The following DYNC1LI2 variants were observed in gnomAD, a reference collection of about 807,000 sequenced individuals.
The protein encoded by DYNC1LI2 is cytoplasmic dynein 1 light intermediate chain 2.
Under a neutral mutation model 57.8 loss-of-function variants are expected in DYNC1LI2, and 19 were observed. That is an observed-to-expected ratio of 0.33 (90% CI 0.23 to 0.48). DYNC1LI2 has a LOEUF of 0.48. DYNC1LI2 is among the 20% of genes least tolerant of loss of function. The pLI, the probability that DYNC1LI2 is intolerant of heterozygous loss-of-function variation, is 0.99. For synonymous variants in DYNC1LI2, 256 were observed against 233.4 expected (o/e 1.10, Z -0.88); for missense variants, 470 against 604.2 (o/e 0.78, Z 2.33).
At chr16:66,728,180 T>C in intron 10 of DYNC1LI2, 21 bp downstream of exon 10, 1 of 1,614,120 alleles carries the variant, frequency 6.2e-7, no homozygotes, top group Non-Finnish European at 8.5e-7. Context: ...CTTGACCCTC[T>C]GTTTAGTGTA....
At chr16:66,732,197 GA>G (rs1262779626) in intron 7 of DYNC1LI2, 141 bp downstream of exon 7, 2 of 1,090,130 alleles carry the variant, frequency 1.8e-6, no homozygotes, top group African/African-American at 3.2e-5. Context: ...TCATAATCCG[GA>G]AAGGAACAGA....
chr16:66,732,185 C>T, intron 7 of DYNC1LI2, 154 bp downstream of exon 7: 1 of 985,080 alleles, frequency 1.0e-6, no homozygotes, highest in Non-Finnish European at 1.4e-6. Flanking sequence ...CAGGCAGATG[C>T]CTCATAATCC....
chr16:66,749,929 C>G (rs765077817), intron 2 of DYNC1LI2, among the ~76,000 whole-genome samples: 2 of 152,202 alleles, frequency 1.3e-5, no homozygotes, highest in African/African-American at 4.8e-5. Context: ...ACAACACCCC[C>G]CTTCCCCGGA....
At chr16:66,733,992 C>T in intron 6 of DYNC1LI2, 2 of 491,688 alleles carry the variant, frequency 4.1e-6, no homozygotes, top group Non-Finnish European at 7.2e-6. Context: ...GAAACACCAT[C>T]TTAAAACAAA....
rs1347551297 is a variant in DYNC1LI2, at chr16:66,749,225, G to A, written c.270C>T (p.Tyr90=). Residue 90 remains tyrosine (Y), a synonymous_variant, in exon 3 of 13, where the codon TAC becomes TAT. Transcript: ENST00000258198. Reference sequence around the variant, plus strand: ...CTCGGTCCTCATCATGGACACTGAGGTAGAGATATTCTAGGCCTCTTCCTT... The same window carrying A: ...CTCGGTCCTCATCATGGACACTGAGATAGAGATATTCTAGGCCTCTTCCTT... ...GKKGRGLEYL[Y]LSVHDEDRDD... 4 of 1,614,204 alleles carry A rather than the reference G, an allele frequency of 2.5e-6. No individual in the cohort carries two copies. In the East Asian group the frequency reaches 6.7e-5, roughly 27 times the overall value.
chr16:66,739,373 G>A (rs994643912), intron 4 of DYNC1LI2: 1 of 152,200 alleles, frequency 6.6e-6, no homozygotes, highest in African/African-American at 2.4e-5. Flanking sequence ...CGCTCTAAAG[G>A]AATGACTTAA....
intron 5 of DYNC1LI2, among the ~76,000 whole-genome samples, 159 bp downstream of exon 5, chr16:66,735,916 T>C (rs748949109): frequency 6.6e-6 from 1 of 152,220 alleles, no homozygotes; most frequent in Non-Finnish European, 1.5e-5. Context: ...CCAATTTACA[T>C]GATAATTTTT....
intron 3 of DYNC1LI2, among the ~76,000 whole-genome samples, chr16:66,743,891 TG>T (rs1214728012): frequency 6.6e-6 from 1 of 152,242 alleles, no homozygotes; most frequent in African/African-American, 2.4e-5. Context: ...AGTAATTTTT[TG>T]TTATGATAAT....
At chr16:66,731,757 A>C (rs529744180) in intron 7 of DYNC1LI2, 1 of 152,432 alleles carries the variant, frequency 6.6e-6, no homozygotes, top group African/African-American at 2.4e-5. Context: ...ATCTGCTAAC[A>C]CAAGTCTTGT....
intron 4 of DYNC1LI2, chr16:66,739,107 T>C (rs1462476539): frequency 2.0e-5 from 3 of 152,192 alleles, no homozygotes; most frequent in Non-Finnish European, 4.4e-5. Context: ...CAATAAAATA[T>C]ACAATGGCTT....
At chr16:66,734,123 A>C (rs775166472) in intron 6 of DYNC1LI2, 95 bp downstream of exon 6, 16 of 1,104,442 alleles carry the variant, frequency 1.4e-5, no homozygotes, top group Non-Finnish European at 2.1e-5. Flanking sequence ...TTGGCAGAAC[A>C]CTATTCTGGG....
chr16:66,751,169 G>A lies in DYNC1LI2; in HGVS notation c.181+104C>T, dbSNP rs895066323. ...GGGCCGACGGTCCCTTTCCCGCCAG[G>A]CTGCGGGCAGGCGGCTGGAACGGGG... On this transcript the variant is annotated intron_variant, in intron 2 of 12. Transcript: ENST00000258198. The surrounding 1 kb of genome is among the most constrained non-coding windows in gnomAD (Gnocchi z 5.2). 8 of 1,327,080 alleles carry A rather than the reference G, an allele frequency of 6.0e-6. No individual in the cohort carries two copies. Among genetic ancestry groups the A allele is most frequent in the Middle Eastern group, 5.2e-4 (2 of 3,828 alleles). 82.2% of individuals were successfully genotyped at this position (1,327,080 alleles called of 1,614,324 possible). A position where few individuals can be genotyped will look rare whatever the true frequency, so the allele number is the denominator to read the frequency against.
intron 4 of DYNC1LI2, among the ~76,000 whole-genome samples, chr16:66,737,512 G>GAAAC (rs2017756685): frequency 1.7e-5 from 1 of 60,084 alleles, no homozygotes; most frequent in South Asian, 7.4e-4. Context: ...AAAAAAAAAT[G>GAAAC]CTTAATGAAA....
chr16:66,728,643 A>ACT (rs2017578629), intron 9 of DYNC1LI2, among the ~76,000 whole-genome samples: 1 of 152,028 alleles, frequency 6.6e-6, no homozygotes, highest in African/African-American at 2.4e-5. Flanking sequence ...TGGGGAAGTT[A>ACT]CTCTCCTCAT....
intron 3 of DYNC1LI2, 111 bp from the exon 4 acceptor site, chr16:66,742,779 T>C (rs1487151006): frequency 5.5e-6 from 7 of 1,270,128 alleles, no homozygotes; most frequent in Non-Finnish European, 4.3e-6. Context: ...GAATTCTAAA[T>C]AGAATGCAAA....
rs1462917531 is a variant in DYNC1LI2 at position 66,732,485 on chromosome 16, T to G, written c.794-11A>C. ...TCAAGGCAGCTCCATCTAATCAATCTGCTCAAGAAAAATCAATTCACTGCA... is the reference window on the plus strand; with the variant it reads ...TCAAGGCAGCTCCATCTAATCAATCGGCTCAAGAAAAATCAATTCACTGCA... On this transcript the variant is annotated splice_polypyrimidine_tract_variant and intron_variant, in intron 6 of 12. Transcript: ENST00000258198. 8 of 1,606,386 alleles carry G rather than the reference T, an allele frequency of 5.0e-6. No individual in the cohort carries two copies. The highest frequency in any genetic ancestry group is 6.8e-6 in the Non-Finnish European group (8 of 1,178,274).
intron 7 of DYNC1LI2, chr16:66,730,909 A>G (rs529364468): frequency 3.3e-5 from 5 of 152,376 alleles, no homozygotes; most frequent in African/African-American, 1.2e-4. Flanking sequence ...AGCAATGGTA[A>G]AATACCCTGT....
intron 3 of DYNC1LI2, among the ~76,000 whole-genome samples, chr16:66,748,559 C>T (rs2017981838): frequency 7.4e-6 from 1 of 134,438 alleles, no homozygotes; most frequent in Admixed American, 8.2e-5. Flanking sequence ...AGAAAATGGG[C>T]ATTTCTTTCA....
intron 12 of DYNC1LI2, 35 bp from the exon 13 acceptor site, chr16:66,723,857 G>C: frequency 6.5e-7 from 1 of 1,546,768 alleles, no homozygotes; most frequent in Non-Finnish European, 8.7e-7. Context: ...GCAAAGTAAT[G>C]ATGTGAGAAG....
Sources: gnomAD v4.1 joint callset for allele counts (sites outside exome capture counted in the v4.1 genomes callset) on GRCh38, gnomAD v4.1.1 for gene constraint, Gnocchi (gnomAD v3.1) non-coding constraint, MANE v1.5 for transcripts, NCBI Gene and HGNC (gene_info 2026-07-23, HGNC 2026-07-21) for gene names.